PPFIA2: variants seen among roughly 807,000 people sequenced by gnomAD.
PPFIA2 encodes PPFI scaffold protein A2, also known as liprin-alpha-2.
In PPFIA2, 46 loss-of-function variants were observed where a neutral mutation model predicts 175.5. The ratio of observed to expected loss-of-function variants is 0.26; its 90% CI spans 0.21 to 0.34. The LOEUF (loss-of-function observed/expected upper bound fraction) is 0.34, where lower values mean the gene tolerates loss of function less well. PPFIA2 is among the 10% of genes least tolerant of loss of function. The probability of loss-of-function intolerance (pLI) is 1.00; values close to 1 mark genes in which losing one functional copy is unlikely to be tolerated. For missense variants in PPFIA2, 1,179 were observed against 1,506.1 expected (o/e 0.78, Z 3.60); for synonymous variants, 568 against 511.4 (o/e 1.11, Z -1.49).
At chr12:81,738,933 T>A (rs2081985865) in intron 3 of PPFIA2, among the ~76,000 whole-genome samples, 1 of 151,902 alleles carries the variant, frequency 6.6e-6, no homozygotes, top group African/African-American at 2.4e-5. Flanking sequence ...GCTCTAATAC[T>A]ATTACTACTA....
rs138722979 is a variant in PPFIA2, at chr12:81,606,757, T to C, written c.303+70034A>G. ...TTCACAAATATTTCCTCCCATTCTG[T>C]AGGTCATCTGTTTACTTTGTTGATA... On this transcript the variant is annotated intron_variant, in intron 4 of 32. Coordinates refer to ENST00000549396, the MANE Select transcript of PPFIA2 (RefSeq NM_003625.5). Among the ~76,000 whole-genome samples, 636 of 152,278 alleles carry C rather than the reference T, an allele frequency of 4.2e-3. 3 individuals are homozygous for C. The highest frequency in any genetic ancestry group is 0.014 in the African/African-American group (598 of 41,586).
intron 4 of PPFIA2, among the ~76,000 whole-genome samples, chr12:81,495,491 A>G (rs1200977188): frequency 2.0e-5 from 3 of 152,148 alleles, no homozygotes; most frequent in Non-Finnish European, 4.4e-5. Flanking sequence ...TGCAATAAAT[A>G]CACTTAAATA....
At chr12:81,287,834 C>A (rs911458420) in intron 24 of PPFIA2, among the ~76,000 whole-genome samples, 6 of 151,610 alleles carry the variant, frequency 4.0e-5, no homozygotes, top group Non-Finnish European at 7.4e-5. Flanking sequence ...GATATGAGTA[C>A]CTTGGGATTG....
chr12:81,605,263 G>T (rs1162417220), intron 4 of PPFIA2, among the ~76,000 whole-genome samples: 2 of 151,718 alleles, frequency 1.3e-5, no homozygotes, highest in Non-Finnish European at 2.9e-5. Flanking sequence ...ACACTGAAAA[G>T]GCTGCTTATT....
At chr12:81,343,712 T>C (rs1051365400) in intron 19 of PPFIA2, among the ~76,000 whole-genome samples, 21 of 152,118 alleles carry the variant, frequency 1.4e-4, no homozygotes, top group African/African-American at 4.8e-4. Context: ...TAATAAGATG[T>C]CATTTTGTGA....
chr12:81,367,605 A>G (rs1714259158), intron 13 of PPFIA2, among the ~76,000 whole-genome samples: 1 of 151,580 alleles, frequency 6.6e-6, no homozygotes, highest in Admixed American at 6.6e-5. Flanking sequence ...TTAAAATTTC[A>G]CTTTCTGGAC....
At chr12:81,406,297 C>G (rs904180416) in intron 7 of PPFIA2, among the ~76,000 whole-genome samples, 12 of 151,944 alleles carry the variant, frequency 7.9e-5, no homozygotes, top group Admixed American at 2.6e-4. Context: ...ATACAAGAAA[C>G]ATAAAAGATT....
intron 4 of PPFIA2, among the ~76,000 whole-genome samples, chr12:81,552,173 A>G (rs550398372): frequency 5.3e-5 from 8 of 151,988 alleles, no homozygotes; most frequent in African/African-American, 1.9e-4. Context: ...AACTTTAGAA[A>G]TAAATGGCAA....
At chr12:81,389,035 CT>C (rs1209224288) in intron 8 of PPFIA2, among the ~76,000 whole-genome samples, 2 of 151,510 alleles carry the variant, frequency 1.3e-5, no homozygotes, top group Admixed American at 6.6e-5. Context: ...CTGTTCTGGA[CT>C]TTTCACAGAA....
chr12:81,464,874 A>T (rs1302940014), intron 4 of PPFIA2, among the ~76,000 whole-genome samples: 1 of 114,258 alleles, frequency 8.8e-6, no homozygotes, highest in African/African-American at 4.0e-5. Context: ...TAATAAACAT[A>T]ATAGAGCTGG....
At chr12:81,692,109 G>GACACACACACAC (rs71098161) in intron 3 of PPFIA2, among the ~76,000 whole-genome samples, 5,980 of 149,368 alleles carry the variant, frequency 0.04, 157 homozygotes, top group Middle Eastern at 0.079. Context: ...CACAAACACA[G>GACACACACACAC]ACACACACAC....
At chr12:81,315,543 G>A (rs1199660184) in intron 22 of PPFIA2, among the ~76,000 whole-genome samples, 1 of 151,666 alleles carries the variant, frequency 6.6e-6, no homozygotes, top group Non-Finnish European at 1.5e-5. Context: ...ATCAAAGGTG[G>A]GAAGACTGTG....
chr12:81,433,073 C>A (rs1226048268), intron 7 of PPFIA2, among the ~76,000 whole-genome samples: 1 of 151,822 alleles, frequency 6.6e-6, no homozygotes, highest in Admixed American at 6.6e-5. Context: ...AGTGCTTTCT[C>A]ATTTCAGAAA....
At chr12:81,665,544 G>T (rs2070022655) in intron 4 of PPFIA2, among the ~76,000 whole-genome samples, 2 of 152,008 alleles carry the variant, frequency 1.3e-5, no homozygotes, top group Non-Finnish European at 2.9e-5. Flanking sequence ...TAGTTTGATT[G>T]TGTTGAAATA....
chr12:81,365,911 T>C (rs1198240918), intron 14 of PPFIA2, among the ~76,000 whole-genome samples: 1 of 151,516 alleles, frequency 6.6e-6, no homozygotes, highest in African/African-American at 2.4e-5. Flanking sequence ...TGTATAATTG[T>C]TCTCTTTCCT....
rs187058603 is a variant in PPFIA2 at position 81,439,530 on chromosome 12, T to A, written c.645+442A>T. 1.2e-4 allele frequency among the ~76,000 whole-genome samples: 19 copies of A among 152,256 alleles called. No individual in the cohort carries two copies. In the East Asian group the frequency reaches 3.7e-3, roughly 29 times the overall value. ...TGAATAGTAGCAGAAGTGGATTCAG[T>A]GACGTCACTAAATATGAGTACAGTG... On this transcript the variant is annotated intron_variant, in intron 7 of 32. Transcript: ENST00000549396.
At chr12:81,619,824 A>G (rs1454738421) in intron 4 of PPFIA2, among the ~76,000 whole-genome samples, 1 of 152,140 alleles carries the variant, frequency 6.6e-6, no homozygotes, top group Non-Finnish European at 1.5e-5. Context: ...AATATTCACA[A>G]TATTTCCTTG....
At chr12:81,539,865 G>T (rs949375684) in intron 4 of PPFIA2, among the ~76,000 whole-genome samples, 1 of 151,938 alleles carries the variant, frequency 6.6e-6, no homozygotes, top group Non-Finnish European at 1.5e-5. Context: ...TTCCATTGCT[G>T]TTAGGTGTGA....
chr12:81,747,995 T>G lies in PPFIA2; in HGVS notation c.249+5978A>C, dbSNP rs2083276340. Reference sequence around the variant, plus strand: ...TTCAATCACTCTTAAGGGTAGATATTATTTACTCTTTTCAATTAAGGAAAC... The same window carrying G: ...TTCAATCACTCTTAAGGGTAGATATGATTTACTCTTTTCAATTAAGGAAAC... On this transcript the variant is annotated intron_variant, in intron 3 of 32. Transcript: ENST00000549396. Among the ~76,000 whole-genome samples, 2 of 143,958 alleles carry G rather than the reference T, an allele frequency of 1.4e-5. 1 individual carries two copies. Among genetic ancestry groups the G allele is most frequent in the Non-Finnish European group, 3.1e-5 (2 of 64,170 alleles). The allele number at this position is 143,958 out of a possible 152,430, so 94.4% of individuals were successfully genotyped here.
Sources: allele counts gnomAD v4.1 joint callset (sites outside exome capture counted in the v4.1 genomes callset), GRCh38; gene constraint gnomAD v4.1.1; transcripts MANE v1.5; gene names NCBI Gene and HGNC (gene_info 2026-07-23, HGNC 2026-07-21).